NKTR: variants seen among roughly 807,000 people sequenced by gnomAD.
NKTR encodes the protein NK-tumor recognition protein.
Under a neutral mutation model 156.3 loss-of-function variants are expected in NKTR, and 67 were observed. The ratio of observed to expected loss-of-function variants is 0.43; its 90% CI spans 0.35 to 0.53. NKTR has a LOEUF of 0.53. Ranked by LOEUF, NKTR falls within the 20% of genes least tolerant of loss-of-function variation. NKTR has a pLI of 0.01. For synonymous variants in NKTR, 640 were observed against 596.6 expected, an observed-to-expected ratio of 1.07 and a Z score of -1.06; for missense variants, 1,604 against 1,730.9, an observed-to-expected ratio of 0.93 and a Z score of 1.30.
chr3:42,641,158 G>A (rs1394639704), intron 13 of NKTR, among the ~76,000 whole-genome samples: 3 of 152,118 alleles, frequency 2.0e-5, no homozygotes, highest in Non-Finnish European at 4.4e-5. Flanking sequence ...TACCTGCCTG[G>A]GCCTGACACC....
Position 42,638,534 on chromosome 3 carries a change from G to C in NKTR, c.2830G>C (p.Asp944His), listed in dbSNP as rs770564204. ...KSSTNTSLPD[D>H]NGAWKSSKQR... Reference sequence around the variant, plus strand: ...GTCCACAAATACTTCACTGCCTGATGATAATGGTGCTTGGAAATCAAGCAA... The same window carrying C: ...GTCCACAAATACTTCACTGCCTGATCATAATGGTGCTTGGAAATCAAGCAA... Residue 944 changes from aspartate (D) to histidine (H), a missense_variant, in exon 13 of 17, where the codon GAT (aspartate) becomes CAT (histidine). By Grantham distance (81) the Asp-to-His change is moderately conservative. Around this residue, in one of 6 missense-constraint regions of NKTR, gnomAD observed 1,255 missense variants for 1,243.7 expected, o/e 1.01. Transcript: ENST00000232978. The C allele has an allele frequency of 8.7e-6, 14 of 1,613,730 alleles. No individual in the cohort carries two copies. In the South Asian group the frequency reaches 1.3e-4, roughly 15 times the overall value.
Position 42,637,301 on chromosome 3 carries a change from T to C in NKTR, c.1597T>C (p.Ser533Pro), listed in dbSNP as rs1709515844. Residue 533 changes from serine (S) to proline (P), a missense_variant, in exon 13 of 17, where the codon TCA (serine) becomes CCA (proline). Around this residue, in one of 6 missense-constraint regions of NKTR, gnomAD observed 1,255 missense variants for 1,243.7 expected, o/e 1.01. Transcript: ENST00000232978. Reference protein sequence around the residue: ...SHSQSYSRGSSRSRTASKSSS... With the variant: ...SHSQSYSRGSPRSRTASKSSS... ...CTCACAGTCTTATTCTAGAGGAAGC[T>C]CAAGATCAAGGACTGCGTCAAAGTC... is the stretch of plus-strand genomic sequence containing the variant. 1 of 1,614,088 alleles carries C rather than the reference T, an allele frequency of 6.2e-7. No individual in the cohort carries two copies. Among genetic ancestry groups the C allele is most frequent in the Non-Finnish European group, 8.5e-7 (1 of 1,180,018 alleles).
Position 42,632,799 on chromosome 3 carries a change from A to G in NKTR, c.749A>G (p.Asn250Ser). The G allele has an allele frequency of 6.2e-7, 1 of 1,602,948 alleles. No individual in the cohort carries two copies. The highest frequency in any genetic ancestry group is 8.5e-7 in the Non-Finnish European group (1 of 1,175,860). ...GCAAGCAGTTCAGAAGAGCCAAGGA[A>G]TAAACATGCAATGAACCCAAAAGGG... ...KEASSSEEPR[N>S]KHAMNPKGHS... The change falls in exon 9 of 17, where the codon AAT becomes AGT. Residue 250 changes from asparagine (N) to serine (S), a missense_variant. This residue lies in a region of NKTR where 1,255 missense variants were observed against 1,243.7 expected (regional missense o/e 1.01). Transcript: ENST00000232978.
chr3:42,617,682 T>TA (rs1707505067), intron 3 of NKTR, 38 bp downstream of exon 3: 1 of 1,101,660 alleles, frequency 9.1e-7, no homozygotes, highest in Non-Finnish European at 1.4e-6. Flanking sequence ...AGCTGTGGCT[T>TA]ACAGTTTTAC....
At chr3:42,612,428 T>A (rs534617482) in intron 2 of NKTR, 1 of 152,292 alleles carries the variant, frequency 6.6e-6, no homozygotes, top group East Asian at 1.9e-4. Flanking sequence ...ATTACATAAC[T>A]TTGTTTCCTA....
intron 2 of NKTR, among the ~76,000 whole-genome samples, chr3:42,609,462 G>T (rs1706556264): frequency 6.6e-6 from 1 of 152,188 alleles, no homozygotes; most frequent in Admixed American, 6.5e-5. Context: ...AAGATTGTGT[G>T]TTTAGAGAGG....
chr3:42,614,815 C>A (rs1707186123), intron 2 of NKTR, among the ~76,000 whole-genome samples: 1 of 152,092 alleles, frequency 6.6e-6, no homozygotes, highest in Non-Finnish European at 1.5e-5. Flanking sequence ...CTTTGCCATG[C>A]TTTGCAAACC....
chr3:42,619,405 T>G lies in NKTR; in HGVS notation c.242-259T>G. 5 of 1,254,906 alleles carry G rather than the reference T, an allele frequency of 4.0e-6. No individual in the cohort carries two copies. In the South Asian group the frequency reaches 5.6e-5, roughly 14 times the overall value. The allele number at this position is 1,254,906 out of a possible 1,614,324, so 77.7% of individuals were successfully genotyped here. A position where few individuals can be genotyped will look rare whatever the true frequency, so the allele number is the denominator to read the frequency against. On this transcript the variant is annotated intron_variant, in intron 4 of 16. Transcript: ENST00000232978. ...AATGCCAAAGTACTGTCTGATTGCT[T>G]TTGTTCTGGAATGTTTTTGGTGTTA...
At chr3:42,603,370 A>G (rs1350054327) in intron 2 of NKTR, among the ~76,000 whole-genome samples, 11 of 106,878 alleles carry the variant, frequency 1.0e-4, no homozygotes, top group Admixed American at 4.9e-4. Context: ...TAAAAAAAAA[A>G]AAAAAAAAAA....
chr3:42,630,612 T>C (rs756816405), intron 7 of NKTR, 37 bp downstream of exon 7: 2 of 1,612,682 alleles, frequency 1.2e-6, no homozygotes, highest in Non-Finnish European at 1.7e-6. Context: ...GGGAAGTGTT[T>C]GGGTGGCCAG....
chr3:42,621,147 C>G, intron 5 of NKTR: 1 of 1,014,048 alleles, frequency 9.9e-7, no homozygotes. Flanking sequence ...ATTTAAATAT[C>G]ATTTAGCCAA....
chr3:42,639,446 G>A lies in NKTR; in HGVS notation c.3742G>A (p.Val1248Ile). Residue 1248 changes from valine to isoleucine, a missense_variant, in exon 13 of 17, where the codon GTT becomes ATT. Val to Ile is a conservative substitution (Grantham distance 29). This residue lies in a region of NKTR where 1,255 missense variants were observed against 1,243.7 expected (regional missense o/e 1.01). Coordinates refer to ENST00000232978, the MANE Select transcript of NKTR (RefSeq NM_005385.4). ...TGCTGCCACATCCAGTGCTGTGGAAGTTAAGGTGTTGACCACTGTGCCTGA... is the reference window on the plus strand; with the variant it reads ...TGCTGCCACATCCAGTGCTGTGGAAATTAAGGTGTTGACCACTGTGCCTGA... ...PNAATSSAVE[V>I]KVLTTVPEMK... 2 of 1,614,240 alleles carry A rather than the reference G, an allele frequency of 1.2e-6. No homozygotes were observed. Among genetic ancestry groups the A allele is most frequent in the Non-Finnish European group, 1.7e-6 (2 of 1,180,046 alleles).
intron 4 of NKTR, 117 bp from the exon 5 acceptor site, chr3:42,619,547 T>C (rs1269085960): frequency 2.6e-6 from 4 of 1,542,888 alleles, no homozygotes; most frequent in Non-Finnish European, 3.5e-6. Flanking sequence ...ATTTTGATTA[T>C]TGCAGCAGTT....
At chr3:42,633,823 A>G (rs1709138529) in intron 10 of NKTR, 88 bp downstream of exon 10, 5 of 1,403,378 alleles carry the variant, frequency 3.6e-6, no homozygotes, top group African/African-American at 1.4e-5. Flanking sequence ...TGTATGGAAC[A>G]TGATCCATGT....
intron 2 of NKTR, chr3:42,603,121 T>C (rs1705740837): frequency 6.6e-6 from 1 of 151,700 alleles, no homozygotes; most frequent in African/African-American, 2.4e-5. Context: ...ATCCCAGTAC[T>C]TAGGGAGGCC....
chr3:42,614,987 C>G (rs558192529), intron 2 of NKTR, among the ~76,000 whole-genome samples: 1 of 151,878 alleles, frequency 6.6e-6, no homozygotes, highest in Non-Finnish European at 1.5e-5. Flanking sequence ...AACCTCTACT[C>G]TATCCTTTGT....
intron 6 of NKTR, chr3:42,628,945 T>A (rs1708646470): frequency 3.1e-6 from 1 of 320,754 alleles, no homozygotes; most frequent in Admixed American, 6.5e-5. Context: ...GAGGTTGCAT[T>A]GAGCCGAGAT....
In NKTR at chr3:42,621,053, A is replaced by T. The variant is rs532249233; in HGVS notation, c.287-376A>T. ...TTATTGAACTTCTTCCATGTATAGC[A>T]CATTAGGCAAGCTAATTGGAAATTT... On this transcript the variant is annotated intron_variant, in intron 5 of 16. Coordinates refer to ENST00000232978, the MANE Select transcript of NKTR (RefSeq NM_005385.4). 3 of 983,748 alleles carry T rather than the reference A, an allele frequency of 3.0e-6. No homozygotes were observed. The South Asian group carries it at 1.4e-4, about 46-fold the overall frequency. 60.9% of individuals were successfully genotyped at this position (983,748 alleles called of 1,614,324 possible). A position where few individuals can be genotyped will look rare whatever the true frequency, so the allele number is the denominator to read the frequency against.
At chr3:42,634,828 G>A (rs184361529) in intron 11 of NKTR, 128 bp downstream of exon 11, 3 of 584,646 alleles carry the variant, frequency 5.1e-6, no homozygotes, top group Non-Finnish European at 9.0e-6. Context: ...ATTTTCCATG[G>A]TTATGGGAAG....
Sources: gnomAD v4.1 joint callset for allele counts (sites outside exome capture counted in the v4.1 genomes callset) on GRCh38, gnomAD v4.1.1 for gene constraint, gnomAD v4.1.1 regional missense constraint, MANE v1.5 for transcripts, NCBI Gene and HGNC (gene_info 2026-07-23, HGNC 2026-07-21) for gene names.